The following CRYBG1 variants were observed in gnomAD, a reference collection of about 807,000 sequenced individuals.
CRYBG1 encodes beta/gamma crystallin domain-containing protein 1.
A neutral mutation model predicts 189.2 loss-of-function variants in CRYBG1; 139 were observed. The ratio of observed to expected loss-of-function variants is 0.73; its 90% CI spans 0.64 to 0.85. The LOEUF (loss-of-function observed/expected upper bound fraction) is 0.85, where lower values mean the gene tolerates loss of function less well. CRYBG1 is among the 40% of genes least tolerant of loss of function. The pLI is 0.00. For missense variants in CRYBG1, 2,611 were observed against 2,675.8 expected (o/e 0.98, Z 0.53); for synonymous variants, 1,023 against 1,017.1 (o/e 1.01, Z -0.11).
intron 1 of CRYBG1, among the ~76,000 whole-genome samples, chr6:106,427,798 A>T (rs1221018278): frequency 6.6e-6 from 1 of 152,136 alleles, no homozygotes; most frequent in Non-Finnish European, 1.5e-5. Context: ...AAAATCCAGA[A>T]CTACCTGGCT....
chr6:106,452,713 A>G (rs9373867), intron 2 of CRYBG1, among the ~76,000 whole-genome samples: 41,368 of 152,104 alleles, frequency 0.27, 6,394 homozygotes, highest in South Asian at 0.38. Context: ...TGACTTAATT[A>G]TATTGCCTTA....
At chr6:106,431,227 A>G (rs963268551) in intron 1 of CRYBG1, among the ~76,000 whole-genome samples, 3 of 152,176 alleles carry the variant, frequency 2.0e-5, no homozygotes, top group African/African-American at 7.2e-5. Context: ...GTCCTCTGCC[A>G]TGTAGTCTCC....
At position 106,361,086 on chromosome 6, in the gene CRYBG1, GCTC is replaced by G; in HGVS notation, c.173+9_173+11del. The G allele has an allele frequency of 6.5e-7, 1 of 1,534,376 alleles. No homozygotes were observed. The highest frequency in any genetic ancestry group is 1.2e-5 in the South Asian group (1 of 83,946). ...GGCGCCTGCCGGAGAGGCCAGGTGA[GCTC>G]CTCGCCCGAGCCCTCCAGTCCCACC... On this transcript the variant is annotated splice_donor_region_variant and intron_variant, in intron 1 of 21. Coordinates refer to ENST00000633556, the MANE Select transcript of CRYBG1 (RefSeq NM_001371242.2).
chr6:106,460,236 C>T (rs1376393743), intron 2 of CRYBG1, among the ~76,000 whole-genome samples: 2 of 152,032 alleles, frequency 1.3e-5, no homozygotes, highest in Non-Finnish European at 2.9e-5. Flanking sequence ...CGTGATCCGC[C>T]CGCCTCTGCC....
chr6:106,555,328 T>C (rs1774509682), intron 16 of CRYBG1, among the ~76,000 whole-genome samples: 1 of 151,806 alleles, frequency 6.6e-6, no homozygotes, highest in South Asian at 2.1e-4. Context: ...AGTGCAGAGG[T>C]ATTAGAAATG....
intron 7 of CRYBG1, among the ~76,000 whole-genome samples, chr6:106,529,580 C>A (rs1351330553): frequency 1.3e-5 from 2 of 152,176 alleles, no homozygotes; most frequent in Non-Finnish European, 2.9e-5. Flanking sequence ...GGCACTGGAC[C>A]AGAAGAGGCC....
At chr6:106,476,356 C>T (rs1407966253) in intron 2 of CRYBG1, among the ~76,000 whole-genome samples, 1 of 152,200 alleles carries the variant, frequency 6.6e-6, no homozygotes, top group Non-Finnish European at 1.5e-5. Flanking sequence ...TCTGGGGCAA[C>T]TCATTCACAG....
Position 106,408,922 on chromosome 6 carries a change from A to G in CRYBG1, c.174-42772A>G, listed in dbSNP as rs570450352. On this transcript the variant is annotated intron_variant, in intron 1 of 21. Coordinates refer to ENST00000633556, the MANE Select transcript of CRYBG1 (RefSeq NM_001371242.2). ...CAAACCCACAGCCAGTATCATACTG[A>G]ATGGACAAAAGCTGGAAGCATTCCC... Among the ~76,000 whole-genome samples the G allele has an allele frequency of 3.3e-5, 5 of 152,148 alleles. No individual in the cohort carries two copies. The South Asian group carries it at 1.0e-3, about 31-fold the overall frequency.
chr6:106,436,033 G>A (rs1482156642), intron 1 of CRYBG1, among the ~76,000 whole-genome samples: 1 of 152,034 alleles, frequency 6.6e-6, no homozygotes, highest in Non-Finnish European at 1.5e-5. Flanking sequence ...TATGTAAAAA[G>A]GTCTGTTCCA....
chr6:106,515,496 G>GTACC (rs1485169057), intron 3 of CRYBG1, among the ~76,000 whole-genome samples: 1 of 152,106 alleles, frequency 6.6e-6, no homozygotes, highest in Non-Finnish European at 1.5e-5. Context: ...TTTGAATTGA[G>GTACC]TACCCTTCCT....
intron 20 of CRYBG1, 25 bp downstream of exon 20, chr6:106,561,525 C>A: frequency 6.3e-7 from 1 of 1,595,856 alleles, no homozygotes; most frequent in Non-Finnish European, 8.6e-7. Flanking sequence ...TCCACGGGGG[C>A]CTGTGATGGC....
chr6:106,427,522 C>G (rs1430263441), intron 1 of CRYBG1, among the ~76,000 whole-genome samples: 1 of 152,168 alleles, frequency 6.6e-6, no homozygotes, highest in East Asian at 1.9e-4. Context: ...CACTTCTTAG[C>G]TCATTCCCAG....
chr6:106,378,003 G>A (rs1019114165), intron 1 of CRYBG1, among the ~76,000 whole-genome samples: 1 of 152,040 alleles, frequency 6.6e-6, no homozygotes, highest in African/African-American at 2.4e-5. Flanking sequence ...CCATAAAATG[G>A]GGAGAATCCC....
intron 1 of CRYBG1, among the ~76,000 whole-genome samples, chr6:106,370,844 C>T (rs191238875): frequency 1.3e-4 from 20 of 152,208 alleles, no homozygotes; most frequent in African/African-American, 4.6e-4. Context: ...GATGACTATT[C>T]CCCTGGAAAT....
In CRYBG1 at chr6:106,538,889, C is replaced by T. The variant is rs1425804873; in HGVS notation, c.4719-514C>T. Reference sequence around the variant, plus strand: ...CAGCCTGGGTGACAGAACAAGACTCCGTCAAAAAAAAAAAAAATTGATTAG... The same window carrying T: ...CAGCCTGGGTGACAGAACAAGACTCTGTCAAAAAAAAAAAAAATTGATTAG... On this transcript the variant is annotated intron_variant, in intron 8 of 21. Coordinates refer to ENST00000633556, the MANE Select transcript of CRYBG1 (RefSeq NM_001371242.2). Among the ~76,000 whole-genome samples, 9 of 40,242 alleles carry T rather than the reference C, an allele frequency of 2.2e-4. No individual in the cohort carries two copies. The East Asian group carries it at 2.7e-3, about 12-fold the overall frequency. 26.4% of individuals were successfully genotyped at this position (40,242 alleles called of 152,430 possible). A position where few individuals can be genotyped will look rare whatever the true frequency, so the allele number is the denominator to read the frequency against.
At chr6:106,432,770 A>G (rs1265820751) in intron 1 of CRYBG1, among the ~76,000 whole-genome samples, 1 of 152,078 alleles carries the variant, frequency 6.6e-6, no homozygotes, top group Non-Finnish European at 1.5e-5. Context: ...CCTGGGCTTT[A>G]CACATTCTTT....
At chr6:106,459,932 A>T (rs1771970630) in intron 2 of CRYBG1, among the ~76,000 whole-genome samples, 1 of 152,186 alleles carries the variant, frequency 6.6e-6, no homozygotes, top group Admixed American at 6.5e-5. Context: ...TATATATACT[A>T]ATATTTTCAT....
chr6:106,552,006 T>A, intron 14 of CRYBG1, 28 bp downstream of exon 14: 1 of 1,565,388 alleles, frequency 6.4e-7, no homozygotes, highest in Non-Finnish European at 8.7e-7. Context: ...TGTATGAGAA[T>A]ATTTAACTGA....
chr6:106,372,834 CA>C (rs1283444134), intron 1 of CRYBG1, among the ~76,000 whole-genome samples: 3 of 152,144 alleles, frequency 2.0e-5, no homozygotes, highest in African/African-American at 4.8e-5. Context: ...GTAGCTGTGC[CA>C]AATAGGTATT....
Sources: allele counts gnomAD v4.1 joint callset (sites outside exome capture counted in the v4.1 genomes callset), GRCh38; gene constraint gnomAD v4.1.1; transcripts MANE v1.5; gene names NCBI Gene and HGNC (gene_info 2026-07-23, HGNC 2026-07-21).